The following CEP162 variants were observed in gnomAD, a reference collection of about 807,000 sequenced individuals.
The protein encoded by CEP162 is centrosomal protein of 162 kDa.
In CEP162, 141 loss-of-function variants were observed where a neutral mutation model predicts 169.2. That is an observed-to-expected ratio of 0.83 (90% CI 0.73 to 0.96). The LOEUF is 0.96. Among genes scored for constraint, CEP162 ranks in the 40% least tolerant of loss-of-function variants. CEP162 has a pLI of 0.00. For missense variants in CEP162, 1,600 were observed against 1,587.2 expected, an observed-to-expected ratio of 1.01 and a Z score of -0.14; for synonymous variants, 540 against 526.4, an observed-to-expected ratio of 1.03 and a Z score of -0.35.
chr6:84,215,444 T>C lies in CEP162; in HGVS notation c.341A>G (p.Asn114Ser). ...CAATCCCACTCCGAGACTACTATGGTTGAGCTCAGAAACTACTAGTTCTAA... is the reference window on the plus strand; with the variant it reads ...CAATCCCACTCCGAGACTACTATGGCTGAGCTCAGAAACTACTAGTTCTAA... ...ETNELVVSEL[N>S]HSSLGVGLDT... Residue 114 changes from asparagine to serine, a missense_variant, in exon 5 of 27, where the codon AAC becomes AGC. Transcript: ENST00000403245. 6.3e-7 allele frequency: 1 copy of C among 1,595,230 alleles called. No individual in the cohort carries two copies. The highest frequency in any genetic ancestry group is 8.5e-7 in the Non-Finnish European group (1 of 1,172,750).
chr6:84,223,781 C>A (rs1484895773), intron 2 of CEP162, among the ~76,000 whole-genome samples: 1 of 151,896 alleles, frequency 6.6e-6, no homozygotes, highest in African/African-American at 2.4e-5. Context: ...GTGGCAGGCG[C>A]CTGTAATCTC....
chr6:84,164,444 C>T (rs565243014), intron 18 of CEP162, among the ~76,000 whole-genome samples: 4 of 152,166 alleles, frequency 2.6e-5, no homozygotes, highest in Non-Finnish European at 5.9e-5. Flanking sequence ...GACTTGGAAC[C>T]AACCCAAATG....
At position 84,186,249 on chromosome 6, in the gene CEP162, G is replaced by T. The variant is rs2099537088; in HGVS notation, c.1401+83C>A. ...ATAATCAATCCCACTAGTTTAAAAAGCACACACCTACCAATAGTACTTATA... is the reference window on the plus strand; with the variant it reads ...ATAATCAATCCCACTAGTTTAAAAATCACACACCTACCAATAGTACTTATA... On this transcript the variant is annotated intron_variant, in intron 12 of 26. Coordinates refer to ENST00000403245, the MANE Select transcript of CEP162 (RefSeq NM_014895.4). 8.0e-6 allele frequency: 6 copies of T among 746,510 alleles called. No homozygotes were observed. The East Asian group carries it at 1.6e-4, about 20-fold the overall frequency. The allele number at this position is 746,510 out of a possible 1,614,324, so 46.2% of individuals were successfully genotyped here.
At chr6:84,206,987 T>C (rs1232347102) in intron 6 of CEP162, among the ~76,000 whole-genome samples, 2 of 152,154 alleles carry the variant, frequency 1.3e-5, no homozygotes, top group African/African-American at 2.4e-5. Flanking sequence ...TCATCACTGG[T>C]CATCAGAGAA....
Position 84,211,522 on chromosome 6 carries a change from A to G in CEP162, c.571+1435T>C, listed in dbSNP as rs796686617. ...AGCCTGGCTGACAGAGCAAGATTCT[A>G]TCTCAAAAAAAAAAAAAAAAAAAAA... is the stretch of plus-strand genomic sequence containing the variant. On this transcript the variant is annotated intron_variant, in intron 6 of 26. Transcript: ENST00000403245. 3.0e-3 allele frequency among the ~76,000 whole-genome samples: 379 copies of G among 124,684 alleles called. 1 individual carries two copies. The highest frequency in any genetic ancestry group is 0.014 in the African/African-American group (349 of 25,348). The allele number at this position is 124,684 out of a possible 152,430, so 81.8% of individuals were successfully genotyped here. A position where few individuals can be genotyped will look rare whatever the true frequency, so the allele number is the denominator to read the frequency against.
At chr6:84,131,318 TTC>T (rs2129184825) in intron 25 of CEP162, among the ~76,000 whole-genome samples, 1 of 152,292 alleles carries the variant, frequency 6.6e-6, no homozygotes, top group South Asian at 2.1e-4. Flanking sequence ...CTGAGAAGAA[TTC>T]TGTTGATTTG....
intron 17 of CEP162, among the ~76,000 whole-genome samples, chr6:84,169,804 C>T (rs1321168575): frequency 6.6e-6 from 1 of 152,060 alleles, no homozygotes; most frequent in African/African-American, 2.4e-5. Context: ...TTCTGAGAGT[C>T]GCCAGTCTCA....
At chr6:84,224,654 A>G (rs1270667213) in intron 2 of CEP162, among the ~76,000 whole-genome samples, 1 of 152,218 alleles carries the variant, frequency 6.6e-6, no homozygotes. Context: ...AAAGTGAGAA[A>G]AGTTAGCATG....
At chr6:84,216,096 C>T in intron 3 of CEP162, 174 bp from the exon 4 acceptor site, 2 of 792,768 alleles carry the variant, frequency 2.5e-6, no homozygotes, top group Non-Finnish European at 3.6e-6. Context: ...GATTATAATT[C>T]TATTTGGTGG....
Position 84,169,425 on chromosome 6 carries a change from A to G in CEP162, c.2288T>C (p.Met763Thr). The change falls in exon 18 of 27, where the codon ATG becomes ACG. Residue 763 changes from methionine to threonine, a missense_variant. By Grantham distance (81) the Met-to-Thr change is moderately conservative (BLOSUM62 -1). Coordinates refer to ENST00000403245, the MANE Select transcript of CEP162 (RefSeq NM_014895.4). Reference protein sequence around the residue: ...FSEVASLKEQMHKSRFLSQVV... With the variant: ...FSEVASLKEQTHKSRFLSQVV... ...TTGAGACAGAAAACGACTTTTGTGC[A>G]TCTGTTCTCTAATTTATTTTGAAAA... 1 of 1,556,350 alleles carries G rather than the reference A, an allele frequency of 6.4e-7. No homozygotes were observed. The highest frequency in any genetic ancestry group is 8.7e-7 in the Non-Finnish European group (1 of 1,147,660).
At chr6:84,169,224 T>G (rs2099529013) in intron 18 of CEP162, 104 bp downstream of exon 18, 1 of 682,060 alleles carries the variant, frequency 1.5e-6, no homozygotes. Context: ...TTATAGATTT[T>G]TTAATACATT....
At chr6:84,211,116 G>A (rs2127744398) in intron 6 of CEP162, among the ~76,000 whole-genome samples, 1 of 151,566 alleles carries the variant, frequency 6.6e-6, no homozygotes, top group South Asian at 2.1e-4. Flanking sequence ...CAAATACTGA[G>A]ATCTGTAAAA....
chr6:84,196,291 C>T (rs1320243954), intron 9 of CEP162, among the ~76,000 whole-genome samples: 4 of 152,132 alleles, frequency 2.6e-5, no homozygotes, highest in African/African-American at 4.8e-5. Context: ...CTTTGCCTGC[C>T]GCTATCCATG....
Position 84,153,029 on chromosome 6 carries a change from T to C in CEP162, c.3145A>G (p.Ile1049Val). 1 of 1,613,626 alleles carries C rather than the reference T, an allele frequency of 6.2e-7. No homozygotes were observed. Among genetic ancestry groups the C allele is most frequent in the Non-Finnish European group, 8.5e-7 (1 of 1,179,754 alleles). Residue 1049 changes from isoleucine to valine, a missense_variant, in exon 23 of 27, where the codon ATA becomes GTA. Ile to Val is a conservative substitution (Grantham distance 29). Transcript: ENST00000403245. ...GCATTCTGATGTTTAAGAACGTCTA[T>C]TTCGGCTTCAAGGTTTCTTACAGTG... ...QITVRNLEAE[I>V]DVLKHQNAEL...
chr6:84,174,216 T>G lies in CEP162; in HGVS notation c.2026-28A>C, dbSNP rs762244519. The G allele has an allele frequency of 6.3e-6, 10 of 1,578,016 alleles. No homozygotes were observed. In the East Asian group the frequency reaches 2.0e-4, roughly 32 times the overall value. ...TGGAGAAATTGCAGAAATTGTTTTATTTGGGGAAGGAAATGATAAGGTGAG... is the reference window on the plus strand; with the variant it reads ...TGGAGAAATTGCAGAAATTGTTTTAGTTGGGGAAGGAAATGATAAGGTGAG... On this transcript the variant is annotated intron_variant, in intron 15 of 26. Coordinates refer to ENST00000403245, the MANE Select transcript of CEP162 (RefSeq NM_014895.4).
At chr6:84,181,061 A>G (rs1328971079) in intron 13 of CEP162, among the ~76,000 whole-genome samples, 4 of 152,216 alleles carry the variant, frequency 2.6e-5, no homozygotes, top group African/African-American at 9.6e-5. Context: ...TCCTAAGCAA[A>G]AAGAACCAAC....
In CEP162 at chr6:84,146,779, T is replaced by C. The variant is rs966755798; in HGVS notation, c.3778A>G (p.Ile1260Val). ...NRKIATQEVL[I>V]RHFQSQVNEL... Reference sequence around the variant, plus strand: ...TTAACTTGACTTTGGAAATGTCTTATAAGTACCTAGGAAATTGTTAGAAGT... The same window carrying C: ...TTAACTTGACTTTGGAAATGTCTTACAAGTACCTAGGAAATTGTTAGAAGT... Residue 1260 changes from isoleucine to valine, a missense_variant, in exon 25 of 27, where the codon ATA (isoleucine) becomes GTA (valine). Coordinates refer to ENST00000403245, the MANE Select transcript of CEP162 (RefSeq NM_014895.4). 3 of 1,529,242 alleles carry C rather than the reference T, an allele frequency of 2.0e-6. No homozygotes were observed. Among genetic ancestry groups the C allele is most frequent in the African/African-American group, 2.7e-5 (2 of 73,120 alleles). The allele number at this position is 1,529,242 out of a possible 1,614,324, so 94.7% of individuals were successfully genotyped here. A position where few individuals can be genotyped will look rare whatever the true frequency, so the allele number is the denominator to read the frequency against.
chr6:84,198,799 G>A (rs1011259159), intron 9 of CEP162, among the ~76,000 whole-genome samples: 9 of 151,930 alleles, frequency 5.9e-5, no homozygotes, highest in Admixed American at 2.6e-4. Context: ...CATCAAAAGG[G>A]TTCATTTTAA....
At position 84,139,805 on chromosome 6, in the gene CEP162, A is replaced by G. The variant is rs192377504; in HGVS notation, c.3870+6882T>C. Among the ~76,000 whole-genome samples, 557 of 152,148 alleles carry G rather than the reference A, an allele frequency of 3.7e-3. 1 individual carries two copies. Among genetic ancestry groups the G allele is most frequent in the Middle Eastern group, 0.014 (4 of 294 alleles). On this transcript the variant is annotated intron_variant, in intron 25 of 26. Coordinates refer to ENST00000403245, the MANE Select transcript of CEP162 (RefSeq NM_014895.4). ...TGGTTTTGGCTACCTATTGGTTATT[A>G]TTTTTAGCCTCCTTGAAAAGGTCAT...
Sources: gnomAD v4.1 joint callset for allele counts (sites outside exome capture counted in the v4.1 genomes callset) on GRCh38, gnomAD v4.1.1 for gene constraint, MANE v1.5 for transcripts, NCBI Gene and HGNC (gene_info 2026-07-23, HGNC 2026-07-21) for gene names.